The following ENTREP2 variants were observed in gnomAD, a reference collection of about 807,000 sequenced individuals.
The protein encoded by ENTREP2 is protein ENTREP2.
At chr15:29,249,985 C>T in the ENTREP2 span, among the ~76,000 whole-genome samples, 3 of 152,144 alleles carry the variant, frequency 2.0e-5, no homozygotes, top group Non-Finnish European at 2.9e-5. Flanking sequence ...ATCATGAGGG[C>T]AGCACCGAGG....
At chr15:29,261,915 CA>C in the ENTREP2 span, among the ~76,000 whole-genome samples, 2 of 124,450 alleles carry the variant, frequency 1.6e-5, no homozygotes, top group Non-Finnish European at 3.3e-5. Context: ...GTATCTACTC[CA>C]GAAATAAAAA....
chr15:29,501,162 A>T, the ENTREP2 span, among the ~76,000 whole-genome samples: 1 of 152,114 alleles, frequency 6.6e-6, no homozygotes, highest in Non-Finnish European at 1.5e-5. Flanking sequence ...TCAAACTCTT[A>T]CAAAGAGTAG....
At chr15:29,444,208 A>AAG in the ENTREP2 span, among the ~76,000 whole-genome samples, 1 of 148,690 alleles carries the variant, frequency 6.7e-6, no homozygotes, top group African/African-American at 2.6e-5. Context: ...GAAAGAAAGA[A>AAG]AGAAAGAAAG....
chr15:29,431,201 C>T, the ENTREP2 span, among the ~76,000 whole-genome samples: 11 of 152,248 alleles, frequency 7.2e-5, no homozygotes, highest in South Asian at 2.1e-4. Flanking sequence ...GGTAAAATCA[C>T]GCTGGCAGTA....
the ENTREP2 span, among the ~76,000 whole-genome samples, chr15:29,184,028 T>C: frequency 6.6e-6 from 1 of 152,194 alleles, no homozygotes; most frequent in Non-Finnish European, 1.5e-5. Flanking sequence ...TTGCCCAGGC[T>C]GGAGTGCAGT....
At chr15:29,571,470 A>C in the ENTREP2 span, among the ~76,000 whole-genome samples, 1 of 151,456 alleles carries the variant, frequency 6.6e-6, no homozygotes, top group Non-Finnish European at 1.5e-5. Context: ...GAATGCAAAA[A>C]TCCAAGATCC....
At chr15:29,444,081 C>T in the ENTREP2 span, among the ~76,000 whole-genome samples, 96 of 151,450 alleles carry the variant, frequency 6.3e-4, 1 homozygote, top group African/African-American at 2.1e-3. Flanking sequence ...TCCGCCTGGG[C>T]GACAGAGCAA....
chr15:29,120,574 C>CCACT, the ENTREP2 span: 1 of 152,252 alleles, frequency 6.6e-6, no homozygotes, highest in Admixed American at 6.5e-5. Context: ...CATGTTCTCC[C>CCACT]CACTCAGCAA....
At chr15:29,215,358 A>G in the ENTREP2 span, among the ~76,000 whole-genome samples, 45 of 148,542 alleles carry the variant, frequency 3.0e-4, no homozygotes, top group Non-Finnish European at 6.0e-4. Context: ...GCTAGTGCAG[A>G]TAAGACTATA....
chr15:29,668,097 A>G, the ENTREP2 span, among the ~76,000 whole-genome samples: 1 of 152,202 alleles, frequency 6.6e-6, no homozygotes, highest in South Asian at 2.1e-4. Context: ...ATAAGGACCC[A>G]GCAAGAGAGC....
chr15:29,221,813 T>G, the ENTREP2 span, among the ~76,000 whole-genome samples: 1 of 152,084 alleles, frequency 6.6e-6, no homozygotes, highest in South Asian at 2.1e-4. Context: ...TAAGGAACAC[T>G]GCACGATTTT....
the ENTREP2 span, among the ~76,000 whole-genome samples, chr15:29,293,780 G>A: frequency 2.0e-5 from 3 of 152,240 alleles, no homozygotes; most frequent in Non-Finnish European, 4.4e-5. Flanking sequence ...GAGAGATGGA[G>A]TGTGGGGTCC....
chr15:29,228,063 G>C, the ENTREP2 span, among the ~76,000 whole-genome samples: 6 of 152,154 alleles, frequency 3.9e-5, no homozygotes, highest in African/African-American at 1.4e-4. Context: ...CGGGCATGGT[G>C]GCTCACACCT....
chr15:29,302,144 A>G, the ENTREP2 span, among the ~76,000 whole-genome samples: 4 of 152,074 alleles, frequency 2.6e-5, no homozygotes, highest in Admixed American at 1.3e-4. Context: ...CTTCATCTTC[A>G]TATTGCAAAT....
the ENTREP2 span, among the ~76,000 whole-genome samples, chr15:29,202,195 T>G: frequency 1.3e-5 from 2 of 152,144 alleles, no homozygotes; most frequent in Non-Finnish European, 2.9e-5. Context: ...ATGTTGTTGA[T>G]GTTGTCAAAG....
At chr15:29,404,394 C>G in the ENTREP2 span, among the ~76,000 whole-genome samples, 1 of 151,992 alleles carries the variant, frequency 6.6e-6, no homozygotes, top group African/African-American at 2.4e-5. Context: ...CTCCACTCCC[C>G]AGTCCTGCTC....
At chr15:29,436,752 C>T in the ENTREP2 span, among the ~76,000 whole-genome samples, 1 of 152,208 alleles carries the variant, frequency 6.6e-6, no homozygotes, top group Non-Finnish European at 1.5e-5. Context: ...GATGCCAATG[C>T]TGAATCATGA....
At chr15:29,591,789 T>C in the ENTREP2 span, among the ~76,000 whole-genome samples, 2 of 144,652 alleles carry the variant, frequency 1.4e-5, no homozygotes, top group African/African-American at 2.7e-5. Context: ...GATCACACCA[T>C]TGCACTCCAG....
At chr15:29,334,257 T>C in the ENTREP2 span, among the ~76,000 whole-genome samples, 1 of 152,192 alleles carries the variant, frequency 6.6e-6, no homozygotes, top group Non-Finnish European at 1.5e-5. Context: ...TCCCGGGGGA[T>C]CCTGCTGTTG....
Sources: allele counts gnomAD v4.1 joint callset (sites outside exome capture counted in the v4.1 genomes callset), GRCh38; gene constraint gnomAD v4.1.1; transcripts MANE v1.5; gene names NCBI Gene and HGNC (gene_info 2026-07-23, HGNC 2026-07-21).